The following PRKG1 variants were observed in gnomAD, a reference collection of about 807,000 sequenced individuals.
The protein encoded by PRKG1 is cGMP-dependent protein kinase 1.
In PRKG1, 35 loss-of-function variants were observed where a neutral mutation model predicts 88.1. The observed-to-expected ratio is 0.40, with a 90% CI of 0.30 to 0.53. The LOEUF is 0.53. PRKG1 is among the 20% of genes least tolerant of loss of function. The probability of loss-of-function intolerance (pLI) is 0.59; values close to 1 mark genes in which losing one functional copy is unlikely to be tolerated. For synonymous variants in PRKG1, 303 were observed against 292.5 expected, an observed-to-expected ratio of 1.04 and a Z score of -0.37; for missense variants, 540 against 839.8, an observed-to-expected ratio of 0.64 and a Z score of 4.41.
intron 5 of PRKG1, among the ~76,000 whole-genome samples, chr10:52,036,248 T>C (rs1235142789): frequency 1.3e-5 from 2 of 151,820 alleles, no homozygotes; most frequent in Non-Finnish European, 2.9e-5. Flanking sequence ...GAAAGCATGT[T>C]TGAGATCTAG....
At chr10:51,078,455 C>T (rs916281230) in intron 1 of PRKG1, among the ~76,000 whole-genome samples, 10 of 147,370 alleles carry the variant, frequency 6.8e-5, no homozygotes, top group Admixed American at 6.9e-5. Context: ...ATCTTGAACT[C>T]CTGAACTCAG....
intron 4 of PRKG1, among the ~76,000 whole-genome samples, chr10:51,895,268 A>G (rs554265446): frequency 3.3e-5 from 5 of 152,296 alleles, no homozygotes; most frequent in African/African-American, 4.8e-5. Flanking sequence ...GAAGATGACA[A>G]AAGGCTCCTC....
chr10:51,605,286 T>C (rs1473015210), intron 3 of PRKG1, among the ~76,000 whole-genome samples: 5 of 152,054 alleles, frequency 3.3e-5, no homozygotes, highest in Non-Finnish European at 5.9e-5. Flanking sequence ...AATGCAACAT[T>C]TGGGCATGAA....
intron 5 of PRKG1, among the ~76,000 whole-genome samples, chr10:52,053,881 A>G (rs1846047650): frequency 1.3e-5 from 2 of 152,216 alleles, no homozygotes; most frequent in African/African-American, 4.8e-5. Context: ...GGTGCCTTAA[A>G]AAGTAACTAG....
At chr10:52,119,447 T>C (rs949886008) in intron 7 of PRKG1, among the ~76,000 whole-genome samples, 16 of 152,216 alleles carry the variant, frequency 1.1e-4, no homozygotes, top group Non-Finnish European at 1.8e-4. Context: ...AGTCCAGTTT[T>C]GAGGTATTTT....
intron 5 of PRKG1, among the ~76,000 whole-genome samples, chr10:52,022,690 A>T (rs58332265): frequency 0.012 from 1,893 of 152,286 alleles, 41 homozygotes; most frequent in African/African-American, 0.044. Context: ...TTCTCCTACA[A>T]AATTAGAAAA....
At chr10:51,776,077 A>G (rs967998627) in intron 3 of PRKG1, among the ~76,000 whole-genome samples, 3 of 152,170 alleles carry the variant, frequency 2.0e-5, no homozygotes, top group African/African-American at 7.2e-5. Context: ...AGAAAATATT[A>G]AGAGTACCTA....
chr10:51,699,256 C>T, intron 3 of PRKG1: 1 of 1,614,086 alleles, frequency 6.2e-7, no homozygotes, highest in Non-Finnish European at 8.5e-7. Flanking sequence ...TTAACTCCTC[C>T]TTATTCTTTT....
At chr10:51,972,274 T>TA (rs1187434627) in intron 5 of PRKG1, among the ~76,000 whole-genome samples, 7 of 152,320 alleles carry the variant, frequency 4.6e-5, no homozygotes, top group Non-Finnish European at 8.8e-5. Flanking sequence ...TCAGATAGTT[T>TA]AAAAGTATTC....
chr10:51,616,647 G>A (rs188492703), intron 3 of PRKG1, among the ~76,000 whole-genome samples: 2 of 152,252 alleles, frequency 1.3e-5, no homozygotes, highest in Admixed American at 6.5e-5. Context: ...TGGTTAGACT[G>A]GGTGAACTTT....
In PRKG1 at chr10:52,221,633, ACT is replaced by A. The variant is rs1840248560; in HGVS notation, c.1077-29936_1077-29935del. ...AATCCAAGAATTCATATGAATATTC[ACT>A]GTCAGTGAAAAAATTAAATCAATAA... On this transcript the variant is annotated intron_variant, in intron 9 of 17. Transcript: ENST00000373980. Among the ~76,000 whole-genome samples, 6 of 152,302 alleles carry A rather than the reference ACT, an allele frequency of 3.9e-5. No individual in the cohort carries two copies. In the South Asian group the frequency reaches 1.2e-3, roughly 32 times the overall value.
At chr10:52,135,961 A>C (rs1376182274) in intron 8 of PRKG1, among the ~76,000 whole-genome samples, 1 of 152,066 alleles carries the variant, frequency 6.6e-6, no homozygotes, top group Non-Finnish European at 1.5e-5. Context: ...ACCAGTGAAG[A>C]ATAATGAGAT....
At chr10:51,871,178 C>A (rs1043879501) in intron 4 of PRKG1, among the ~76,000 whole-genome samples, 2 of 152,170 alleles carry the variant, frequency 1.3e-5, no homozygotes, top group Admixed American at 1.3e-4. Context: ...CTTCCTCAGT[C>A]CTGATATTGC....
chr10:51,481,101 G>A (rs66501411), intron 3 of PRKG1, among the ~76,000 whole-genome samples: 63,807 of 151,356 alleles, frequency 0.42, 15,237 homozygotes, highest in East Asian at 0.89. Context: ...TGCTATAAAG[G>A]AATATTACCG....
chr10:52,019,811 C>G (rs1302913864), intron 5 of PRKG1, among the ~76,000 whole-genome samples: 1 of 152,088 alleles, frequency 6.6e-6, no homozygotes, highest in Non-Finnish European at 1.5e-5. Flanking sequence ...TGGGGACTGA[C>G]AGTTTTTGAG....
intron 1 of PRKG1, among the ~76,000 whole-genome samples, chr10:51,053,685 C>T (rs569142775): frequency 6.6e-6 from 1 of 151,868 alleles, no homozygotes; most frequent in Non-Finnish European, 1.5e-5. Context: ...AAAATCTGAG[C>T]AATTTATCGA....
At chr10:51,957,173 T>C (rs1456779330) in intron 5 of PRKG1, among the ~76,000 whole-genome samples, 4 of 148,210 alleles carry the variant, frequency 2.7e-5, no homozygotes, top group Non-Finnish European at 6.0e-5. Context: ...CTCTTTCTTT[T>C]ACTTCCTTCC....
chr10:51,615,618 T>C (rs1839029618), intron 3 of PRKG1, among the ~76,000 whole-genome samples: 1 of 151,708 alleles, frequency 6.6e-6, no homozygotes, highest in Non-Finnish European at 1.5e-5. Flanking sequence ...TTCAATCTAT[T>C]TTGTTCAATG....
chr10:51,935,637 G>C (rs1177203703), intron 5 of PRKG1, among the ~76,000 whole-genome samples: 1 of 151,988 alleles, frequency 6.6e-6, no homozygotes, highest in Non-Finnish European at 1.5e-5. Context: ...TCCAATTGTC[G>C]CTTCTTATTC....
Sources: allele counts gnomAD v4.1 joint callset (sites outside exome capture counted in the v4.1 genomes callset), GRCh38; gene constraint gnomAD v4.1.1; transcripts MANE v1.5; gene names NCBI Gene and HGNC (gene_info 2026-07-23, HGNC 2026-07-21).